Variants in CCDC148 observed in about 807,000 individuals in gnomAD.
The protein encoded by CCDC148 is coiled-coil domain-containing protein 148.
Under a neutral mutation model 85.7 loss-of-function variants are expected in CCDC148, and 89 were observed. The observed-to-expected ratio is 1.04, with a 90% CI of 0.87 to 1.24. CCDC148 has a LOEUF of 1.24. Ranked by LOEUF, CCDC148 falls within the 50% of genes most tolerant of loss-of-function variation. The pLI is 0.00. For missense variants in CCDC148, 692 were observed against 671.7 expected (o/e 1.03, Z -0.33); for synonymous variants, 230 against 213.9 (o/e 1.08, Z -0.66).
At chr2:158,369,043 G>C (rs970972726) in intron 1 of CCDC148, among the ~76,000 whole-genome samples, 2 of 152,032 alleles carry the variant, frequency 1.3e-5, no homozygotes, top group Admixed American at 6.6e-5. Flanking sequence ...TAAATATGTA[G>C]ACTAGTCAAT....
chr2:158,328,565 T>C (rs1472472468), intron 7 of CCDC148, among the ~76,000 whole-genome samples: 1 of 152,066 alleles, frequency 6.6e-6, no homozygotes, highest in Non-Finnish European at 1.5e-5. Context: ...TATTTCTAGT[T>C]CTAGATCCCT....
chr2:158,320,091 T>C (rs1456882027), intron 7 of CCDC148, among the ~76,000 whole-genome samples: 1 of 152,208 alleles, frequency 6.6e-6, no homozygotes, highest in Non-Finnish European at 1.5e-5. Flanking sequence ...ATAGACATTA[T>C]GACTCAATTT....
At chr2:158,285,862 T>G (rs1457361743) in intron 9 of CCDC148, among the ~76,000 whole-genome samples, 2 of 152,090 alleles carry the variant, frequency 1.3e-5, no homozygotes, top group African/African-American at 2.4e-5. Context: ...AATCTGAGAA[T>G]GTTCTCTTTC....
intron 9 of CCDC148, among the ~76,000 whole-genome samples, chr2:158,308,293 TAAAC>T (rs1691795090): frequency 6.6e-6 from 1 of 152,218 alleles, no homozygotes; most frequent in Admixed American, 6.5e-5. Context: ...AAAATGAATA[TAAAC>T]AAACTAGGAA....
chr2:158,424,578 G>C (rs1356880338), intron 1 of CCDC148: 1 of 154,222 alleles, frequency 6.5e-6, no homozygotes, highest in African/African-American at 2.4e-5. Flanking sequence ...GGGGTGGGGG[G>C]AGTGGGGAGG....
intron 13 of CCDC148, among the ~76,000 whole-genome samples, chr2:158,173,492 G>A (rs980163708): frequency 6.6e-6 from 1 of 152,054 alleles, no homozygotes; most frequent in African/African-American, 2.4e-5. Context: ...TAAGGTGGCA[G>A]GGAAAGAAGA....
chr2:158,351,394 G>T (rs903924913), intron 2 of CCDC148, among the ~76,000 whole-genome samples: 1 of 152,184 alleles, frequency 6.6e-6, no homozygotes, highest in Non-Finnish European at 1.5e-5. Flanking sequence ...TGCGCGAGCC[G>T]AAGCAGGGCG....
intron 1 of CCDC148, among the ~76,000 whole-genome samples, chr2:158,385,329 G>T (rs1685042858): frequency 1.3e-5 from 2 of 152,110 alleles, no homozygotes; most frequent in African/African-American, 4.8e-5. Flanking sequence ...TCATGCTACT[G>T]GGAATTACAC....
chr2:158,398,022 G>C (rs1685605498), intron 1 of CCDC148, among the ~76,000 whole-genome samples: 1 of 152,072 alleles, frequency 6.6e-6, no homozygotes, highest in Non-Finnish European at 1.5e-5. Context: ...GATCAAAAGA[G>C]ACAAAGAAGG....
chr2:158,192,588 CTT>C (rs1455382412), intron 11 of CCDC148, among the ~76,000 whole-genome samples: 4 of 152,080 alleles, frequency 2.6e-5, no homozygotes, highest in Admixed American at 2.0e-4. Flanking sequence ...GGTTGTGTCT[CTT>C]TGTTCACATT....
At chr2:158,272,847 T>C (rs1206647954) in intron 9 of CCDC148, among the ~76,000 whole-genome samples, 1 of 152,204 alleles carries the variant, frequency 6.6e-6, no homozygotes, top group East Asian at 1.9e-4. Context: ...CTCTCAGAAT[T>C]TGAAGTCTTG....
Position 158,313,866 on chromosome 2 carries a change from A to G in CCDC148, c.793T>C (p.Trp265Arg), listed in dbSNP as rs762381682. 1 of 1,613,578 alleles carries G rather than the reference A, an allele frequency of 6.2e-7. No individual in the cohort carries two copies. Among genetic ancestry groups the G allele is most frequent in the Non-Finnish European group, 8.5e-7 (1 of 1,179,828 alleles). Residue 265 changes from tryptophan (W) to arginine (R), a missense_variant, in exon 8 of 14, where the codon TGG becomes CGG. Coordinates refer to ENST00000283233, the MANE Select transcript of CCDC148 (RefSeq NM_138803.4). The part of the protein sequence containing the change: ...RNCQLSEEDH[W>R]IYQAILDQYP... ...TGATCCAAAATAGCCTGGTAAATCC[A>G]GTGGTCTTCTTCACTTAGTTGACAG...
intron 1 of CCDC148, among the ~76,000 whole-genome samples, chr2:158,430,985 G>GA (rs1232840971): frequency 4.6e-5 from 7 of 151,250 alleles, no homozygotes; most frequent in Non-Finnish European, 1.0e-4. Context: ...ATCTGCAGAA[G>GA]AAAAAAATCA....
intron 11 of CCDC148, among the ~76,000 whole-genome samples, chr2:158,181,127 A>G (rs1684881462): frequency 6.6e-6 from 1 of 152,146 alleles, no homozygotes; most frequent in African/African-American, 2.4e-5. Flanking sequence ...GGATTTGACA[A>G]TTACCATATG....
intron 9 of CCDC148, among the ~76,000 whole-genome samples, chr2:158,302,091 G>T (rs775364754): frequency 5.9e-5 from 9 of 152,136 alleles, no homozygotes; most frequent in African/African-American, 2.2e-4. Flanking sequence ...AAAGTAGTTG[G>T]GGGGGTCACA....
intron 1 of CCDC148, among the ~76,000 whole-genome samples, chr2:158,391,987 T>C (rs1235582143): frequency 6.6e-6 from 1 of 152,124 alleles, no homozygotes; most frequent in East Asian, 1.9e-4. Flanking sequence ...CAACTGGCAG[T>C]ATCTCCCTTT....
At chr2:158,289,545 T>A (rs1247458892) in intron 9 of CCDC148, among the ~76,000 whole-genome samples, 1 of 152,198 alleles carries the variant, frequency 6.6e-6, no homozygotes, top group Non-Finnish European at 1.5e-5. Flanking sequence ...AATACATTTT[T>A]AAAACCAGAT....
intron 9 of CCDC148, among the ~76,000 whole-genome samples, chr2:158,255,305 A>G (rs574153477): frequency 7.3e-5 from 11 of 151,690 alleles, no homozygotes; most frequent in Admixed American, 1.3e-4. Context: ...GGAAAAAAAA[A>G]GGGGGGCGGG....
At chr2:158,226,099 G>C (rs1317013287) in intron 10 of CCDC148, among the ~76,000 whole-genome samples, 1 of 151,908 alleles carries the variant, frequency 6.6e-6, no homozygotes, top group African/African-American at 2.4e-5. Flanking sequence ...TCAAATAGAC[G>C]CAATAAAAAA....
Sources: gnomAD v4.1 joint callset for allele counts (sites outside exome capture counted in the v4.1 genomes callset) on GRCh38, gnomAD v4.1.1 for gene constraint, MANE v1.5 for transcripts, NCBI Gene and HGNC (gene_info 2026-07-23, HGNC 2026-07-21) for gene names.